Variants in COL18A1 observed in about 807,000 individuals in gnomAD.
COL18A1 encodes the protein collagen type XVIII alpha 1 chain.
COL18A1 carries 133 observed loss-of-function variants against 168.0 expected under a neutral mutation model. That is an observed-to-expected ratio of 0.79 (90% CI 0.69 to 0.91). The LOEUF (loss-of-function observed/expected upper bound fraction) is 0.91. COL18A1 is among the 40% of genes least tolerant of loss of function. The pLI, the probability that COL18A1 is intolerant of heterozygous loss-of-function variation, is 0.00. For synonymous variants in COL18A1, 949 were observed against 809.0 expected (o/e 1.17, Z -2.94); for missense variants, 2,126 against 1,925.4 (o/e 1.10, Z -1.95).
intron 2 of COL18A1, among the ~76,000 whole-genome samples, chr21:45,455,167 T>G (rs1327940908): frequency 6.6e-6 from 1 of 152,200 alleles, no homozygotes; most frequent in East Asian, 1.9e-4. Context: ...GCTTCTGGGA[T>G]GGGGTCCTGG....
Position 45,474,277 on chromosome 21 carries a change from GGTGTGTCTCTGTGTCT to G in COL18A1, c.738+297_738+312del, listed in dbSNP as rs1398199247. 4.1e-3 allele frequency among the ~76,000 whole-genome samples: 629 copies of G among 151,934 alleles called. 7 individuals are homozygous for G. Among genetic ancestry groups the G allele is most frequent in the African/African-American group, 0.015 (609 of 41,418 alleles). ...TGTGTGTGTGTGTCTGTGTCTGTGT[GGTGTGTCTCTGTGTCT>G]TGTGTGGTGTGTCTCTGTGGTGTGT... On this transcript the variant is annotated intron_variant, in intron 4 of 41. Transcript: ENST00000651438.
chr21:45,432,452 T>C (rs1416050452), intron 2 of COL18A1, among the ~76,000 whole-genome samples: 2 of 152,228 alleles, frequency 1.3e-5, no homozygotes, highest in African/African-American at 4.8e-5. Flanking sequence ...TGGAGTGGGA[T>C]GGACTGGGGT....
At position 45,509,406 on chromosome 21, in the gene COL18A1, CA is replaced by C; in HGVS notation, c.3302del (p.Asn1101ThrfsTer150). Reference protein sequence around the residue: ...QPPVVQLHDSNPYPRREHPHP... With the variant: ...QPPVVQLHDSXPYPRREHPHP... ...CCCCCGTGGTGCAGCTGCACGACAG[CA>C]ACCCCTACCCGCGGCGGGAGCACCC... is the stretch of plus-strand genomic sequence containing the variant. On this transcript the variant is annotated frameshift_variant, in exon 39 of 42. Transcript: ENST00000651438. LOFTEE classifies it high-confidence loss of function. 1 of 1,542,328 alleles carries C rather than the reference CA, an allele frequency of 6.5e-7. No individual in the cohort carries two copies. Among genetic ancestry groups the C allele is most frequent in the Non-Finnish European group, 8.7e-7 (1 of 1,144,820 alleles).
chr21:45,435,232 TG>T (rs2034067865), intron 2 of COL18A1, among the ~76,000 whole-genome samples: 1 of 76,512 alleles, frequency 1.3e-5, no homozygotes, highest in South Asian at 5.0e-4. Flanking sequence ...GAGAGGAAGG[TG>T]GGGTGGGGGC....
chr21:45,505,981 T>A lies in COL18A1; in HGVS notation c.3216+15T>A, dbSNP rs1268632134. 3.1e-6 allele frequency: 5 copies of A among 1,612,932 alleles called. No individual in the cohort carries two copies. The East Asian group carries it at 8.9e-5, about 29-fold the overall frequency. On this transcript the variant is annotated intron_variant, in intron 37 of 41. Transcript: ENST00000651438. ...GGAAGGTCCAGGTGAGCGCTCTGTG[T>A]GACGGGTTCTGGACCCGTGGAAGGG...
At chr21:45,421,980 C>G (rs115448559) in intron 2 of COL18A1, among the ~76,000 whole-genome samples, 3,318 of 152,282 alleles carry the variant, frequency 0.022, 119 homozygotes, top group African/African-American at 0.075. Context: ...CATGCCAACA[C>G]ACTCACACAG....
chr21:45,503,678 C>G (rs1010318632), intron 32 of COL18A1, among the ~76,000 whole-genome samples: 2 of 150,686 alleles, frequency 1.3e-5, no homozygotes, highest in Non-Finnish European at 3.0e-5. Flanking sequence ...GGAGATATAC[C>G]TAATGCTAGA....
In COL18A1 at chr21:45,509,493, C is replaced by T. The variant is rs377093259; in HGVS notation, c.3387C>T (p.Pro1129=). ...TCCTGGCCAGCCCCCCTCGCCTGCCCGAGCCCCAGCCCTACCCCGGAGCCC... is the reference window on the plus strand; with the variant it reads ...TCCTGGCCAGCCCCCCTCGCCTGCCTGAGCCCCAGCCCTACCCCGGAGCCC... ...DDILASPPRL[P]EPQPYPGAPH... Residue 1129 remains proline, a synonymous_variant, in exon 39 of 42, where the codon CCC becomes CCT. Transcript: ENST00000651438. The T allele has an allele frequency of 9.2e-6, 14 of 1,528,962 alleles. No individual in the cohort carries two copies. In the East Asian group the frequency reaches 1.4e-4, roughly 16 times the overall value. The allele number at this position is 1,528,962 out of a possible 1,614,324, so 94.7% of individuals were successfully genotyped here. A position where few individuals can be genotyped will look rare whatever the true frequency, so the allele number is the denominator to read the frequency against.
At chr21:45,480,323 C>G in intron 11 of COL18A1, 144 bp from the exon 12 acceptor site, 1 of 1,478,414 alleles carries the variant, frequency 6.8e-7, no homozygotes, top group Non-Finnish European at 9.3e-7. Flanking sequence ...TGCCTTCAGG[C>G]TTCTCTGGGG....
intron 2 of COL18A1, among the ~76,000 whole-genome samples, chr21:45,435,896 G>A (rs62216300): frequency 0.13 from 19,612 of 152,040 alleles, 1,452 homozygotes; most frequent in East Asian, 0.22. Context: ...CAGTAACTCC[G>A]TGTGCCCCTC....
At chr21:45,437,666 T>A (rs183638407) in intron 2 of COL18A1, among the ~76,000 whole-genome samples, 10 of 25,294 alleles carry the variant, frequency 4.0e-4, no homozygotes, top group Middle Eastern at 0.026. Context: ...ACACACACAC[T>A]CAGACACACA....
At chr21:45,500,044 G>T (rs544303609) in intron 32 of COL18A1, among the ~76,000 whole-genome samples, 2 of 152,230 alleles carry the variant, frequency 1.3e-5, no homozygotes, top group African/African-American at 4.8e-5. Context: ...GGCTGGAGAG[G>T]TCGAGGCACC....
At chr21:45,472,251 T>TCTCG (rs1315903818) in intron 3 of COL18A1, among the ~76,000 whole-genome samples, 1 of 143,366 alleles carries the variant, frequency 7.0e-6, no homozygotes, top group Non-Finnish European at 1.5e-5. Context: ...TGAGACGGAG[T>TCTCG]CTCGCTCTGT....
chr21:45,478,069 C>T (rs922492589), intron 8 of COL18A1, 104 bp downstream of exon 8: 31 of 763,626 alleles, frequency 4.1e-5, no homozygotes, highest in Admixed American at 2.0e-4. Context: ...GAGCTGGGAT[C>T]GGGGCAGGTC....
intron 21 of COL18A1, 93 bp downstream of exon 21, chr21:45,490,964 G>A: frequency 8.0e-7 from 1 of 1,251,762 alleles, no homozygotes; most frequent in East Asian, 2.5e-5. Context: ...TGCCCCTGCT[G>A]CCCATGTGAC....
intron 2 of COL18A1, among the ~76,000 whole-genome samples, chr21:45,417,424 G>A (rs541631258): frequency 1.9e-4 from 29 of 152,324 alleles, no homozygotes; most frequent in Admixed American, 8.5e-4. Flanking sequence ...GGGTTCCCCG[G>A]GGCTTGGGGC....
Position 45,503,990 on chromosome 21 carries a change from C to T in COL18A1, c.2684-21C>T, listed in dbSNP as rs182385875. On this transcript the variant is annotated intron_variant, in intron 32 of 41. Coordinates refer to ENST00000651438, the MANE Select transcript of COL18A1 (RefSeq NM_001379500.1). Reference sequence around the variant, plus strand: ...TGTCAGACACCACCTCAGCGAGACCCCGCCTGTCTCTCTCTTGCAGGGCAG... The same window carrying T: ...TGTCAGACACCACCTCAGCGAGACCTCGCCTGTCTCTCTCTTGCAGGGCAG... 6.1e-4 allele frequency: 977 copies of T among 1,613,412 alleles called. 2 individuals carry two copies. The highest frequency in any genetic ancestry group is 7.5e-4 in the Non-Finnish European group (889 of 1,179,946).
At chr21:45,431,478 G>A (rs1335108409) in intron 2 of COL18A1, among the ~76,000 whole-genome samples, 1 of 93,958 alleles carries the variant, frequency 1.1e-5, no homozygotes, top group Non-Finnish European at 1.9e-5. Context: ...AGGACCCGGC[G>A]GCCCAGGGGA....
intron 19 of COL18A1, 128 bp from the exon 20 acceptor site, chr21:45,490,147 G>T: frequency 1.6e-6 from 1 of 618,528 alleles, no homozygotes; most frequent in Non-Finnish European, 2.9e-6. Flanking sequence ...CCCTGCTCAG[G>T]CCCACAGGGG....
Sources: gnomAD v4.1 joint callset for allele counts (sites outside exome capture counted in the v4.1 genomes callset) on GRCh38, gnomAD v4.1.1 for gene constraint, MANE v1.5 for transcripts, NCBI Gene and HGNC (gene_info 2026-07-23, HGNC 2026-07-21) for gene names.